Variants in TERB1 observed in about 807,000 individuals in gnomAD.
TERB1 encodes telomere repeats-binding bouquet formation protein 1.
TERB1 carries 63 observed loss-of-function variants against 92.3 expected under a neutral mutation model. That is an observed-to-expected ratio of 0.68 (90% CI 0.56 to 0.84). TERB1 has a LOEUF of 0.84. Among genes scored for constraint, TERB1 ranks in the 40% least tolerant of loss-of-function variants. TERB1 has a pLI of 0.00. For missense variants in TERB1, 709 were observed against 843.7 expected, an observed-to-expected ratio of 0.84 and a Z score of 1.98; for synonymous variants, 252 against 283.9, an observed-to-expected ratio of 0.89 and a Z score of 1.13.
intron 12 of TERB1, among the ~76,000 whole-genome samples, chr16:66,774,512 C>T (rs1425025072): frequency 6.6e-6 from 1 of 151,938 alleles, no homozygotes; most frequent in Non-Finnish European, 1.5e-5. Flanking sequence ...AATGAATGTA[C>T]TTATGATTTA....
chr16:66,778,013 C>T (rs2145165720), intron 10 of TERB1, among the ~76,000 whole-genome samples: 1 of 152,200 alleles, frequency 6.6e-6, no homozygotes. Flanking sequence ...CCTCAATAAC[C>T]ACTTTTTAAA....
At chr16:66,767,572 A>AT (rs1180039476) in intron 15 of TERB1, 62 bp from the exon 16 acceptor site, 4 of 769,176 alleles carry the variant, frequency 5.2e-6, no homozygotes, top group African/African-American at 3.6e-5. Flanking sequence ...TATTTTCAGG[A>AT]TTTATTAAAT....
rs571090450 is a variant in TERB1, at chr16:66,786,744, T to C, written c.401-459A>G. Among the ~76,000 whole-genome samples the C allele has an allele frequency of 3.3e-5, 5 of 152,218 alleles. No homozygotes were observed. In the East Asian group the frequency reaches 7.7e-4, roughly 23 times the overall value. ...ACCATTGTGCCTGGGTCTGTGATCC[T>C]CCCCATGGAAACAATAATAGCAGAG... On this transcript the variant is annotated intron_variant, in intron 6 of 18. Coordinates refer to ENST00000433154, the MANE Select transcript of TERB1 (RefSeq NM_001136505.2).
At chr16:66,758,875 A>G in intron 17 of TERB1, 37 bp from the exon 18 acceptor site, 2 of 1,335,886 alleles carry the variant, frequency 1.5e-6, no homozygotes, top group Non-Finnish European at 2.1e-6. Flanking sequence ...CATTTAGCGT[A>G]TCAATCTGAG....
chr16:66,771,313 T>C (rs946050099), intron 13 of TERB1, among the ~76,000 whole-genome samples: 1 of 152,228 alleles, frequency 6.6e-6, no homozygotes, highest in Non-Finnish European at 1.5e-5. Context: ...TGGGGAAACA[T>C]GTACTCTTAA....
chr16:66,767,467 G>T lies in TERB1; in HGVS notation c.1728C>A (p.Val576=), dbSNP rs995007808. The stretch of plus-strand genomic sequence containing the variant: ...AACAACTGGGAGTTGCTAGAAAACT[G>T]ACTACTTCTTTATTTATTATATCTG... ...LCSDIINKEV[V]SFLATPSCSE... The change falls in exon 16 of 19, where the codon GTC becomes GTA. Residue 576 remains valine, a synonymous_variant. Coordinates refer to ENST00000433154, the MANE Select transcript of TERB1 (RefSeq NM_001136505.2). 1.3e-6 allele frequency: 2 copies of T among 1,528,150 alleles called. No individual in the cohort carries two copies. Among genetic ancestry groups the T allele is most frequent in the African/African-American group, 1.4e-5 (1 of 71,332 alleles). The allele number at this position is 1,528,150 out of a possible 1,614,324, so 94.7% of individuals were successfully genotyped here.
rs776480307 is a variant in TERB1, at chr16:66,754,872, T to A, written c.*104A>T. 23 of 1,073,218 alleles carry A rather than the reference T, an allele frequency of 2.1e-5. No individual in the cohort carries two copies. The highest frequency in any genetic ancestry group is 2.1e-4 in the Middle Eastern group (1 of 4,658). 66.5% of individuals were successfully genotyped at this position (1,073,218 alleles called of 1,614,324 possible). A position where few individuals can be genotyped will look rare whatever the true frequency, so the allele number is the denominator to read the frequency against. ...CTGTTTAATGAAAACTGTATCCTCATTTCCACATTCCTTCTCATGAGAGTT... is the reference window on the plus strand; with the variant it reads ...CTGTTTAATGAAAACTGTATCCTCAATTCCACATTCCTTCTCATGAGAGTT... On this transcript the variant is annotated 3_prime_UTR_variant, in exon 19 of 19. Coordinates refer to ENST00000433154, the MANE Select transcript of TERB1 (RefSeq NM_001136505.2).
intron 5 of TERB1, 141 bp from the exon 6 acceptor site, chr16:66,788,438 A>T: frequency 3.2e-6 from 2 of 615,974 alleles, no homozygotes; most frequent in Non-Finnish European, 5.2e-6. Context: ...GTCATACAAC[A>T]AAATTTCTGA....
In TERB1 at chr16:66,796,767, C is replaced by T. The variant is rs1377653709; in HGVS notation, c.31+1G>A. On this transcript the variant is annotated splice_donor_variant, in intron 3 of 18. Transcript: ENST00000433154. LOFTEE classifies it high-confidence loss of function. ...AGATATATGATCCATCAATTTCTCA[C>T]CTTGTGTTTTCTTTGTGTCTTCACT... 2.6e-6 allele frequency: 4 copies of T among 1,536,888 alleles called. No individual in the cohort carries two copies. Among genetic ancestry groups the T allele is most frequent in the East Asian group, 2.5e-5 (1 of 40,764 alleles).
In TERB1 at chr16:66,788,223, T is replaced by A. The variant is rs1323175011; in HGVS notation, c.346A>T (p.Ile116Leu). The A allele has an allele frequency of 6.6e-7, 1 of 1,513,196 alleles. No individual in the cohort carries two copies. The highest frequency in any genetic ancestry group is 8.9e-7 in the Non-Finnish European group (1 of 1,128,882). 93.7% of individuals were successfully genotyped at this position (1,513,196 alleles called of 1,614,324 possible). A position where few individuals can be genotyped will look rare whatever the true frequency, so the allele number is the denominator to read the frequency against. The change falls in exon 6 of 19, where the codon ATA (isoleucine) becomes TTA (leucine). Residue 116 changes from isoleucine to leucine, a missense_variant. Ile to Leu is a conservative substitution (Grantham distance 5). Transcript: ENST00000433154. ...LTWFLSNDSN[I>L]NLKRMSVYVI... Reference sequence around the variant, plus strand: ...TAAACAGACATTCTTTTCAAATTTATGTTTGAATCATTAGATAAGAACCAA... The same window carrying A: ...TAAACAGACATTCTTTTCAAATTTAAGTTTGAATCATTAGATAAGAACCAA...
chr16:66,785,682 C>A (rs535767303), intron 9 of TERB1, 104 bp downstream of exon 9: 1 of 1,218,618 alleles, frequency 8.2e-7, no homozygotes, highest in Non-Finnish European at 1.1e-6. Context: ...CCAAAATAAC[C>A]CAAATTACAA....
chr16:66,794,110 T>C (rs890744420), intron 3 of TERB1, among the ~76,000 whole-genome samples: 6 of 152,038 alleles, frequency 3.9e-5, no homozygotes, highest in Non-Finnish European at 7.4e-5. Flanking sequence ...TTTCTTTTCT[T>C]TTCTTTTGAG....
chr16:66,769,920 C>G, intron 14 of TERB1, 43 bp downstream of exon 14: 15 of 1,343,028 alleles, frequency 1.1e-5, no homozygotes, highest in Non-Finnish European at 1.5e-5. Context: ...ACAATAAATG[C>G]TTGCTGAATA....
chr16:66,793,203 GTGGTT>G (rs2018865466), intron 3 of TERB1, among the ~76,000 whole-genome samples: 1 of 139,656 alleles, frequency 7.2e-6, no homozygotes, highest in Non-Finnish European at 1.5e-5. Flanking sequence ...TCTTTGTTTT[GTGGTT>G]TGGTTTTTTT....
intron 1 of TERB1, among the ~76,000 whole-genome samples, 195 bp from the exon 2 acceptor site, chr16:66,801,248 A>C (rs1220495989): frequency 1.3e-5 from 2 of 152,178 alleles, no homozygotes; most frequent in Non-Finnish European, 2.9e-5. Flanking sequence ...CAGAAGTGAA[A>C]TAGGGGGGAA....
intron 9 of TERB1, among the ~76,000 whole-genome samples, chr16:66,780,375 C>A (rs2018615578): frequency 6.7e-6 from 1 of 149,854 alleles, no homozygotes; most frequent in African/African-American, 2.5e-5. Context: ...GCCTGGGCAA[C>A]ATAGTGAGAC....
Position 66,755,047 on chromosome 16 carries a change from C to A in TERB1, c.2113G>T (p.Gly705Ter). Residue 705 changes from glycine to a stop codon, truncating the protein, a stop_gained, in exon 19 of 19, where the codon GGA becomes TGA. Transcript: ENST00000433154. LOFTEE classifies it high-confidence loss of function. ...TGAGCAAGGTCCACAGCCTTCCGTC[C>A]TTGCTGAAAGGGGAAAGACCACAAA... is the stretch of plus-strand genomic sequence containing the variant. ...SILWSFPFQQ[G>*]RKAVDLAHKY... 6.4e-7 allele frequency: 1 copy of A among 1,551,704 alleles called. No individual in the cohort carries two copies. The highest frequency in any genetic ancestry group is 8.7e-7 in the Non-Finnish European group (1 of 1,146,984).
chr16:66,787,360 C>A (rs1249750147), intron 6 of TERB1, among the ~76,000 whole-genome samples: 1 of 150,602 alleles, frequency 6.6e-6, no homozygotes, highest in African/African-American at 2.4e-5. Context: ...AACTCCTGGG[C>A]TTAAGGGATC....
chr16:66,790,304 G>A (rs2018808455), intron 5 of TERB1, among the ~76,000 whole-genome samples: 1 of 146,706 alleles, frequency 6.8e-6, no homozygotes, highest in African/African-American at 2.5e-5. Flanking sequence ...GAGGAGGGGA[G>A]GAGAAGGGAA....
Sources: gnomAD v4.1 joint callset for allele counts (sites outside exome capture counted in the v4.1 genomes callset) on GRCh38, gnomAD v4.1.1 for gene constraint, MANE v1.5 for transcripts, NCBI Gene and HGNC (gene_info 2026-07-23, HGNC 2026-07-21) for gene names.